The following SPG7 variants were observed in gnomAD, a reference collection of about 807,000 sequenced individuals.
The protein encoded by SPG7 is mitochondrial inner membrane m-AAA protease component paraplegin.
SPG7 carries 103 observed loss-of-function variants against 81.9 expected under a neutral mutation model. That is an observed-to-expected ratio of 1.26 (90% CI 1.07 to 1.48). The LOEUF is 1.48. Among genes scored for constraint, SPG7 ranks in the 40% most tolerant of loss-of-function variants. The pLI, the probability that SPG7 is intolerant of heterozygous loss-of-function variation, is 0.00. For synonymous variants in SPG7, 534 were observed against 444.2 expected (o/e 1.20, Z -2.54); for missense variants, 1,241 against 1,087.3 (o/e 1.14, Z -1.99).
At chr16:89,543,767 C>G (rs1229161090) in intron 9 of SPG7, 3 of 151,564 alleles carry the variant, frequency 2.0e-5, no homozygotes, top group African/African-American at 7.3e-5. Flanking sequence ...GATTCTTCTG[C>G]TTTAACCTCC....
chr16:89,510,864 T>C (rs2152393958), intron 2 of SPG7, among the ~76,000 whole-genome samples: 1 of 152,314 alleles, frequency 6.6e-6, no homozygotes, highest in South Asian at 2.1e-4. Context: ...CTCACTTTGT[T>C]GTCCAGGCCC....
At chr16:89,532,972 A>C in intron 9 of SPG7, 1 of 349,058 alleles carries the variant, frequency 2.9e-6, no homozygotes, top group Non-Finnish European at 5.5e-6. Flanking sequence ...AATCGCTAGT[A>C]CTCTGGAGAA....
At chr16:89,536,832 C>G in intron 9 of SPG7, 1 of 1,614,196 alleles carries the variant, frequency 6.2e-7, no homozygotes, top group Non-Finnish European at 8.5e-7. Context: ...CCCCCGCCTG[C>G]TCCTGTCTCA....
At chr16:89,509,661 T>TG (rs1404645662) in intron 1 of SPG7, among the ~76,000 whole-genome samples, 1 of 152,182 alleles carries the variant, frequency 6.6e-6, no homozygotes, top group Non-Finnish European at 1.5e-5. Flanking sequence ...CACTCTCTGG[T>TG]GACAGCAGGA....
At chr16:89,554,736 C>A in intron 16 of SPG7, 173 bp downstream of exon 16, 1 of 625,204 alleles carries the variant, frequency 1.6e-6, no homozygotes, top group South Asian at 1.7e-5. Context: ...TACTTTTTAT[C>A]CTGAACTCGT....
At chr16:89,535,970 C>CCGCTCTGGTGCTGTGTGGCCTTCAG (rs2058409708) in intron 9 of SPG7, among the ~76,000 whole-genome samples, 1 of 72,610 alleles carries the variant, frequency 1.4e-5, no homozygotes, top group Non-Finnish European at 2.8e-5. Flanking sequence ...GTGGCCTTCA[C>CCGCTCTGGTGCTGTGTGGCCTTCAG]TGTGGCCTCT....
intron 9 of SPG7, chr16:89,543,646 A>G (rs1338523108): frequency 2.5e-5 from 3 of 119,714 alleles, no homozygotes; most frequent in Non-Finnish European, 3.4e-5. Flanking sequence ...CCACCAGTGG[A>G]TTCTTTTTTT....
At chr16:89,545,010 A>G (rs574658484) in intron 10 of SPG7, 111 of 574,516 alleles carry the variant, frequency 1.9e-4, no homozygotes, top group African/African-American at 2.2e-4. Flanking sequence ...GACCTGCCCA[A>G]TGGCTGCACT....
chr16:89,517,729 C>T (rs183100149), intron 3 of SPG7: 23 of 151,306 alleles, frequency 1.5e-4, no homozygotes, highest in African/African-American at 5.1e-4. Flanking sequence ...AAGCAGTTCT[C>T]CTGCCTCAGC....
At chr16:89,545,818 C>T (rs1307645670) in intron 10 of SPG7, 1 of 395,666 alleles carries the variant, frequency 2.5e-6, no homozygotes, top group Non-Finnish European at 5.0e-6. Context: ...GCTTCATTAG[C>T]TATTCTGCTA....
At chr16:89,519,827 G>A (rs1013847900) in intron 3 of SPG7, 1 of 152,284 alleles carries the variant, frequency 6.6e-6, no homozygotes, top group Non-Finnish European at 1.5e-5. Context: ...GTCTTCAGGG[G>A]CGGTTTCCAA....
Position 89,550,580 on chromosome 16 carries a change from A to G in SPG7, c.1750A>G (p.Met584Val), listed in dbSNP as rs763578874. 6.2e-7 allele frequency: 1 copy of G among 1,613,856 alleles called. No individual in the cohort carries two copies. Among genetic ancestry groups the G allele is most frequent in the South Asian group, 1.1e-5 (1 of 91,082 alleles). Residue 584 changes from methionine to valine, a missense_variant, in exon 13 of 17, where the codon ATG becomes GTG. Physicochemically the swap from Met to Val is conservative, Grantham distance 21 (BLOSUM62 1). Transcript: ENST00000645818. ...HESGHALVGWMLEHTEAVMKV... is the reference protein window; with the variant it reads ...HESGHALVGWVLEHTEAVMKV... The stretch of plus-strand genomic sequence containing the variant: ...GTCGGGCCACGCCTTGGTGGGCTGG[A>G]TGCTGGAGCACACGGAGGCCGTGAT...
chr16:89,545,603 C>T (rs561748021), intron 10 of SPG7: 2 of 231,350 alleles, frequency 8.6e-6, no homozygotes, highest in Admixed American at 1.2e-4. Flanking sequence ...CCAGGGGACA[C>T]TGTTTCTCCA....
At chr16:89,552,409 G>A (rs2058644051) in intron 13 of SPG7, 1 of 166,498 alleles carries the variant, frequency 6.0e-6, no homozygotes, top group South Asian at 1.5e-4. Context: ...AGAGCACTTG[G>A]ATGTGGCCAT....
At position 89,529,580 on chromosome 16, in the gene SPG7, G is replaced by C. The variant is rs1412575396; in HGVS notation, c.861+1G>C. Reference sequence around the variant, plus strand: ...AAGGGAAGGTGGATTCAGTGCTTTTGTAAGTTCTGTAAATCAGAGCTCTCT... The same window carrying C: ...AAGGGAAGGTGGATTCAGTGCTTTTCTAAGTTCTGTAAATCAGAGCTCTCT... On this transcript the variant is annotated splice_donor_variant, in intron 6 of 16. Coordinates refer to ENST00000645818, the MANE Select transcript of SPG7 (RefSeq NM_003119.4). LOFTEE classifies it high-confidence loss of function. The C allele has an allele frequency of 5.6e-6, 9 of 1,600,220 alleles. No homozygotes were observed. Among genetic ancestry groups the C allele is most frequent in the Non-Finnish European group, 7.7e-6 (9 of 1,167,688 alleles).
At chr16:89,536,386 G>A (rs1186481984) in intron 9 of SPG7, among the ~76,000 whole-genome samples, 1 of 152,128 alleles carries the variant, frequency 6.6e-6, no homozygotes, top group Admixed American at 6.5e-5. Context: ...GGATGGGTGG[G>A]TGGTTTGGGT....
intron 9 of SPG7, chr16:89,533,661 G>A (rs907978121): frequency 1.3e-5 from 2 of 152,180 alleles, no homozygotes; most frequent in African/African-American, 4.8e-5. Flanking sequence ...GCATCAGGGT[G>A]CTGCACTGCA....
chr16:89,543,137 T>G (rs372580065), intron 9 of SPG7: 1 of 151,146 alleles, frequency 6.6e-6, no homozygotes, highest in South Asian at 2.1e-4. Flanking sequence ...TTAGTAGAGA[T>G]GGGGTTTCAC....
rs2152402029 is a variant in SPG7, at chr16:89,529,489, T to G, written c.771T>G (p.Ser257=). 1 of 1,613,158 alleles carries G rather than the reference T, an allele frequency of 6.2e-7. No homozygotes were observed. Among genetic ancestry groups the G allele is most frequent in the African/African-American group, 1.3e-5 (1 of 75,052 alleles). ...TTTCTTCCGGCAGTGCCCTGTACTC[T>G]GTGGGGATGACGGCAGTGGGCCTGG... The part of the protein sequence containing the change: ...RTGFFGNALY[S]VGMTAVGLAI... Residue 257 remains serine (S), a synonymous_variant, in exon 6 of 17, where the codon TCT becomes TCG. Transcript: ENST00000645818.
Sources: allele counts gnomAD v4.1 joint callset (sites outside exome capture counted in the v4.1 genomes callset), GRCh38; gene constraint gnomAD v4.1.1; transcripts MANE v1.5; gene names NCBI Gene and HGNC (gene_info 2026-07-23, HGNC 2026-07-21).